Variants in CORO2A observed in about 807,000 individuals in gnomAD.
CORO2A encodes the protein coronin 2A.
A neutral mutation model predicts 62.4 loss-of-function variants in CORO2A; 47 were observed. The observed-to-expected ratio is 0.75, with a 90% CI of 0.60 to 0.96. CORO2A has a LOEUF of 0.96. Among genes scored for constraint, CORO2A ranks in the 40% least tolerant of loss-of-function variants. The pLI is 0.00. For missense variants in CORO2A, 610 were observed against 684.1 expected (o/e 0.89, Z 1.21); for synonymous variants, 273 against 268.9 (o/e 1.02, Z -0.15).
chr9:98,155,536 G>C (rs1401386209), intron 2 of CORO2A, among the ~76,000 whole-genome samples: 2 of 151,590 alleles, frequency 1.3e-5, no homozygotes, highest in Non-Finnish European at 2.9e-5. Context: ...TAGTAGAGAC[G>C]GGGTTTCACC....
chr9:98,154,939 C>A (rs947723744), intron 2 of CORO2A, among the ~76,000 whole-genome samples: 1 of 152,212 alleles, frequency 6.6e-6, no homozygotes, highest in Non-Finnish European at 1.5e-5. Context: ...CAGTGGTGAA[C>A]ACTGCGTGGT....
At chr9:98,177,756 A>C (rs1235462241) in intron 1 of CORO2A, among the ~76,000 whole-genome samples, 2 of 151,540 alleles carry the variant, frequency 1.3e-5, no homozygotes, top group African/African-American at 4.9e-5. Context: ...AAAAAAAAAA[A>C]ACAAACTGTG....
chr9:98,134,220 G>GT (rs1407380072), intron 4 of CORO2A, among the ~76,000 whole-genome samples: 9 of 152,236 alleles, frequency 5.9e-5, no homozygotes, highest in African/African-American at 2.2e-4. Flanking sequence ...CCAGGCTATA[G>GT]TGCAGGTCAG....
chr9:98,183,740 AC>A (rs1404624785), intron 1 of CORO2A, among the ~76,000 whole-genome samples: 1 of 152,224 alleles, frequency 6.6e-6, no homozygotes, highest in Non-Finnish European at 1.5e-5. Flanking sequence ...CGGGCAGATT[AC>A]TTGAGATCAA....
chr9:98,144,237 G>C (rs1459339421), intron 2 of CORO2A, among the ~76,000 whole-genome samples: 1 of 151,952 alleles, frequency 6.6e-6, no homozygotes, highest in African/African-American at 2.4e-5. Context: ...AATCTAGGGA[G>C]TCATATATGT....
chr9:98,126,224 T>C (rs369849884), intron 11 of CORO2A, among the ~76,000 whole-genome samples: 4 of 151,094 alleles, frequency 2.6e-5, no homozygotes, highest in Non-Finnish European at 2.9e-5. Flanking sequence ...TTAGTAGAGA[T>C]GGGGTTTCAC....
chr9:98,164,044 ATTTGAAGTT>A (rs962917201), intron 1 of CORO2A, among the ~76,000 whole-genome samples: 4 of 152,176 alleles, frequency 2.6e-5, no homozygotes, highest in Admixed American at 2.6e-4. Flanking sequence ...CACATATAAT[ATTTGAAGTT>A]TTATCTGTTC....
intron 1 of CORO2A, among the ~76,000 whole-genome samples, chr9:98,171,706 C>A (rs1337511536): frequency 6.6e-6 from 1 of 151,908 alleles, no homozygotes; most frequent in East Asian, 2.0e-4. Flanking sequence ...AGGCGCTGTG[C>A]TAGGTCATGC....
chr9:98,130,525 G>A (rs1827389976), intron 7 of CORO2A, among the ~76,000 whole-genome samples: 1 of 152,234 alleles, frequency 6.6e-6, no homozygotes, highest in South Asian at 2.1e-4. Flanking sequence ...GAACTGGGGT[G>A]GCCTCAGAGG....
intron 1 of CORO2A, among the ~76,000 whole-genome samples, chr9:98,164,145 T>C (rs1827927866): frequency 6.6e-6 from 1 of 152,230 alleles, no homozygotes; most frequent in Non-Finnish European, 1.5e-5. Context: ...ACCACACTTA[T>C]GTCACAGCCA....
intron 5 of CORO2A, 74 bp from the exon 6 acceptor site, chr9:98,132,375 G>A: frequency 7.9e-7 from 1 of 1,262,766 alleles, no homozygotes. Flanking sequence ...TGGCCTCCCT[G>A]CTTTGCTTAT....
intron 3 of CORO2A, among the ~76,000 whole-genome samples, chr9:98,136,578 A>C (rs897388074): frequency 6.6e-6 from 1 of 152,230 alleles, no homozygotes; most frequent in African/African-American, 2.4e-5. Context: ...CTTCTCTTTA[A>C]AGATGTGTCA....
intron 2 of CORO2A, among the ~76,000 whole-genome samples, chr9:98,154,329 G>GTATATATA (rs61422672): frequency 6.7e-5 from 6 of 88,960 alleles, no homozygotes; most frequent in South Asian, 3.4e-4. Flanking sequence ...GTGTTTGTGT[G>GTATATATA]TATATATATA....
intron 1 of CORO2A, among the ~76,000 whole-genome samples, chr9:98,189,887 ATT>A (rs950543958): frequency 2.2e-5 from 2 of 89,776 alleles, no homozygotes; most frequent in Non-Finnish European, 2.2e-5. Flanking sequence ...CAACTCCTTT[ATT>A]TTTTTTTTTT....
At chr9:98,131,377 G>C (rs1375257239) in intron 6 of CORO2A, among the ~76,000 whole-genome samples, 1 of 150,154 alleles carries the variant, frequency 6.7e-6, no homozygotes, top group Non-Finnish European at 1.5e-5. Flanking sequence ...CCAGGCTGGA[G>C]TGCAGTGGTG....
At chr9:98,155,551 T>C (rs562800713) in intron 2 of CORO2A, among the ~76,000 whole-genome samples, 1 of 152,208 alleles carries the variant, frequency 6.6e-6, no homozygotes, top group South Asian at 2.1e-4. Flanking sequence ...TTCACCATGT[T>C]GGTTAGGCTG....
chr9:98,134,050 C>G (rs939961688), intron 4 of CORO2A, among the ~76,000 whole-genome samples: 11 of 152,134 alleles, frequency 7.2e-5, no homozygotes, highest in Non-Finnish European at 1.3e-4. Context: ...CCATGTCCGG[C>G]CCCCCACCTC....
At chr9:98,189,306 G>A (rs997582063) in intron 1 of CORO2A, among the ~76,000 whole-genome samples, 1 of 152,184 alleles carries the variant, frequency 6.6e-6, no homozygotes, top group African/African-American at 2.4e-5. Flanking sequence ...CGTCCAATCT[G>A]TTCTGAAGGA....
At chr9:98,178,057 T>C (rs78734129) in intron 1 of CORO2A, among the ~76,000 whole-genome samples, 2,604 of 152,202 alleles carry the variant, frequency 0.017, 69 homozygotes, top group African/African-American at 0.058. Context: ...ATTAAAAACA[T>C]TTTTTTAGAG....
Sources: allele counts gnomAD v4.1 joint callset (sites outside exome capture counted in the v4.1 genomes callset), GRCh38; gene constraint gnomAD v4.1.1; transcripts MANE v1.5; gene names NCBI Gene and HGNC (gene_info 2026-07-23, HGNC 2026-07-21).